Variants in COL22A1 observed in about 807,000 individuals in gnomAD.
COL22A1 encodes collagen type XXII alpha 1 chain.
A neutral mutation model predicts 248.9 loss-of-function variants in COL22A1; 221 were observed. That is an observed-to-expected ratio of 0.89 (90% CI 0.80 to 0.99). COL22A1 has a LOEUF of 0.99. Ranked by LOEUF, COL22A1 falls within the 50% of genes least tolerant of loss-of-function variation. COL22A1 has a pLI of 0.00. For synonymous variants in COL22A1, 891 were observed against 793.4 expected, an observed-to-expected ratio of 1.12 and a Z score of -2.07; for missense variants, 2,240 against 2,179.0, an observed-to-expected ratio of 1.03 and a Z score of -0.56.
intron 3 of COL22A1, among the ~76,000 whole-genome samples, chr8:138,858,921 G>A (rs1442122988): frequency 6.6e-6 from 1 of 152,088 alleles, no homozygotes; most frequent in Non-Finnish European, 1.5e-5. Flanking sequence ...GGAGAGGTTG[G>A]AGGACAGAAG....
At chr8:138,737,798 A>G (rs181804555) in intron 22 of COL22A1, among the ~76,000 whole-genome samples, 85 of 152,194 alleles carry the variant, frequency 5.6e-4, no homozygotes, top group African/African-American at 2.0e-3. Context: ...CAGCTCTGTA[A>G]CTTAAATGTG....
intron 27 of COL22A1, among the ~76,000 whole-genome samples, chr8:138,719,620 C>T (rs780644519): frequency 1.3e-5 from 2 of 152,170 alleles, no homozygotes; most frequent in Non-Finnish European, 2.9e-5. Context: ...CAATAGGGAA[C>T]ATAAGGGCCC....
Position 138,628,827 on chromosome 8 carries a change from G to A in COL22A1, c.3663+1868C>T, listed in dbSNP as rs141950880. 6.7e-3 allele frequency among the ~76,000 whole-genome samples: 984 copies of A among 147,382 alleles called. 7 individuals carry two copies. The highest frequency in any genetic ancestry group is 0.022 in the African/African-American group (872 of 38,868). ...GTTGCCCAGGCTGGAGTGCGGTGGC[G>A]CAATCTCGGCTTACTGCAATCTCCA... On this transcript the variant is annotated intron_variant, in intron 50 of 64. Coordinates refer to ENST00000303045, the MANE Select transcript of COL22A1 (RefSeq NM_152888.3).
chr8:138,680,379 C>G (rs913219285), intron 39 of COL22A1, among the ~76,000 whole-genome samples: 1 of 152,172 alleles, frequency 6.6e-6, no homozygotes, highest in African/African-American at 2.4e-5. Flanking sequence ...GCCACTTGAG[C>G]CACTTGCCTT....
intron 25 of COL22A1, among the ~76,000 whole-genome samples, chr8:138,723,640 G>A (rs1228038018): frequency 6.6e-6 from 1 of 152,186 alleles, no homozygotes; most frequent in South Asian, 2.1e-4. Flanking sequence ...TATTGGTGAC[G>A]TTGCAGTTGA....
At chr8:138,859,396 C>A (rs908341022) in intron 3 of COL22A1, among the ~76,000 whole-genome samples, 1 of 152,190 alleles carries the variant, frequency 6.6e-6, no homozygotes, top group Admixed American at 6.5e-5. Context: ...CTCAGGTCAG[C>A]GGACAGAACG....
chr8:138,616,555 T>A (rs1262821316), intron 54 of COL22A1, among the ~76,000 whole-genome samples: 1 of 152,176 alleles, frequency 6.6e-6, no homozygotes, highest in Non-Finnish European at 1.5e-5. Flanking sequence ...TCTAGGACCT[T>A]GGGAAATCAC....
intron 3 of COL22A1, among the ~76,000 whole-genome samples, chr8:138,845,287 T>A (rs1051873699): frequency 1.3e-5 from 2 of 150,850 alleles, no homozygotes; most frequent in African/African-American, 4.9e-5. Context: ...CGGGGGGGGA[T>A]CACCTGAGGT....
Position 138,813,021 on chromosome 8 carries a change from T to G in COL22A1, c.1246-2A>C, listed in dbSNP as rs1446477876. ...GATCACAATCCGCTGTAGGTCAAAC[T>G]GGAAAGGAAAGCAAGGAGAGAGGAT... is the stretch of plus-strand genomic sequence containing the variant. On this transcript the variant is annotated splice_acceptor_variant, in intron 7 of 64. Transcript: ENST00000303045. LOFTEE classifies it high-confidence loss of function. The G allele has an allele frequency of 6.2e-7, 1 of 1,612,976 alleles. No individual in the cohort carries two copies. Among genetic ancestry groups the G allele is most frequent in the African/African-American group, 1.3e-5 (1 of 74,880 alleles).
At chr8:138,836,148 A>G (rs1410976038) in intron 4 of COL22A1, among the ~76,000 whole-genome samples, 1 of 152,240 alleles carries the variant, frequency 6.6e-6, no homozygotes, top group East Asian at 1.9e-4. Context: ...GTGGGTTCCT[A>G]TAATCTCAGC....
At chr8:138,854,646 C>T (rs924662672) in intron 3 of COL22A1, among the ~76,000 whole-genome samples, 1 of 152,206 alleles carries the variant, frequency 6.6e-6, no homozygotes, top group Non-Finnish European at 1.5e-5. Context: ...AGAGGAACAA[C>T]AATCCCTTTG....
intron 22 of COL22A1, among the ~76,000 whole-genome samples, chr8:138,741,586 A>G (rs1293595531): frequency 6.6e-6 from 1 of 152,242 alleles, no homozygotes; most frequent in Non-Finnish European, 1.5e-5. Flanking sequence ...GCATCCCTCA[A>G]CTGTAACAGA....
intron 1 of COL22A1, among the ~76,000 whole-genome samples, chr8:138,908,262 C>T (rs1440354575): frequency 6.6e-6 from 1 of 152,168 alleles, no homozygotes; most frequent in African/African-American, 2.4e-5. Context: ...TCAAATGCTG[C>T]ATTTTGATTG....
chr8:138,840,534 T>TAC (rs34512818), intron 4 of COL22A1, among the ~76,000 whole-genome samples: 2,020 of 148,386 alleles, frequency 0.014, 25 homozygotes, highest in East Asian at 0.035. Context: ...CATGTGTGAG[T>TAC]ACACACACAC....
intron 48 of COL22A1, among the ~76,000 whole-genome samples, chr8:138,636,021 A>C (rs1219037134): frequency 4.6e-5 from 7 of 152,188 alleles, no homozygotes; most frequent in Non-Finnish European, 8.8e-5. Context: ...GACAATGAGC[A>C]CTGGCTGTGA....
At chr8:138,732,090 T>C (rs1830753337) in intron 23 of COL22A1, among the ~76,000 whole-genome samples, 1 of 152,238 alleles carries the variant, frequency 6.6e-6, no homozygotes, top group African/African-American at 2.4e-5. Context: ...CTGCAAATAC[T>C]TGAATGGCAT....
chr8:138,811,009 C>G (rs1190704561), intron 9 of COL22A1, among the ~76,000 whole-genome samples: 1 of 152,190 alleles, frequency 6.6e-6, no homozygotes, highest in African/African-American at 2.4e-5. Flanking sequence ...CAGAACTTCG[C>G]AGACACTTTC....
At chr8:138,827,164 A>C in intron 5 of COL22A1, 1 of 245,228 alleles carries the variant, frequency 4.1e-6, no homozygotes, top group Non-Finnish European at 8.3e-6. Context: ...GCCAGGACAA[A>C]TGGATATACC....
At chr8:138,805,740 G>A (rs969548399) in intron 10 of COL22A1, among the ~76,000 whole-genome samples, 6 of 148,264 alleles carry the variant, frequency 4.0e-5, no homozygotes, top group African/African-American at 1.5e-4. Context: ...GTGTGTATAT[G>A]TGATGGTGTG....
Sources: gnomAD v4.1 joint callset for allele counts (sites outside exome capture counted in the v4.1 genomes callset) on GRCh38, gnomAD v4.1.1 for gene constraint, MANE v1.5 for transcripts, NCBI Gene and HGNC (gene_info 2026-07-23, HGNC 2026-07-21) for gene names.